TRIM54: variants seen among roughly 807,000 people sequenced by gnomAD.
TRIM54 encodes tripartite motif containing 54, also known as tripartite motif-containing protein 54.
In TRIM54, 40 loss-of-function variants were observed where a neutral mutation model predicts 42.0. The ratio of observed to expected loss-of-function variants is 0.95; its 90% CI spans 0.74 to 1.24. The LOEUF is 1.24. Ranked by LOEUF, TRIM54 falls within the 50% of genes most tolerant of loss-of-function variation. The pLI, the probability that TRIM54 is intolerant of heterozygous loss-of-function variation, is 0.00. For missense variants in TRIM54, 485 were observed against 480.3 expected, an observed-to-expected ratio of 1.01 and a Z score of -0.09; for synonymous variants, 199 against 194.9, an observed-to-expected ratio of 1.02 and a Z score of -0.17.
chr2:27,303,411 C>A (rs895207088), intron 3 of TRIM54, among the ~76,000 whole-genome samples: 1 of 151,890 alleles, frequency 6.6e-6, no homozygotes, highest in Non-Finnish European at 1.5e-5. Context: ...ATTAGCCGGG[C>A]GTGGTTGCAG....
chr2:27,299,626 T>A (rs1678971544), intron 3 of TRIM54: 3 of 1,014,394 alleles, frequency 3.0e-6, no homozygotes, highest in Admixed American at 2.1e-5. Context: ...TCCTCCCATC[T>A]TAGCCTCGCA....
chr2:27,283,443 A>G (rs1306756569), intron 1 of TRIM54, among the ~76,000 whole-genome samples: 2 of 152,086 alleles, frequency 1.3e-5, no homozygotes, highest in African/African-American at 2.4e-5. Flanking sequence ...ACTCTCCCCA[A>G]CTTGAGTTCA....
At position 27,298,995 on chromosome 2, in the gene TRIM54, C is replaced by G. The variant is rs376006289; in HGVS notation, c.342-250C>G. On this transcript the variant is annotated intron_variant, in intron 2 of 8. Transcript: ENST00000380075. Reference sequence around the variant, plus strand: ...CACCAGCAAGATCCTCGCTAACCCTCCAAGACTTCCTGTCCTGTGGGACTT... The same window carrying G: ...CACCAGCAAGATCCTCGCTAACCCTGCAAGACTTCCTGTCCTGTGGGACTT... 3.0e-4 allele frequency among the ~76,000 whole-genome samples: 46 copies of G among 152,330 alleles called. No homozygotes were observed. In the South Asian group the frequency reaches 9.5e-3, roughly 32 times the overall value.
rs1438924053 is a variant in TRIM54, at chr2:27,305,648, A to G, written c.674A>G (p.Glu225Gly). 2 of 1,613,722 alleles carry G rather than the reference A, an allele frequency of 1.2e-6. No individual in the cohort carries two copies. ...TTTGAGAGCCTGTGCGCAGTGCTGG[A>G]GGAGCGCAAGGGTGAGCTGCTGCAG... ...QRFESLCAVL[E>G]ERKGELLQAL... Residue 225 changes from glutamate to glycine, a missense_variant, in exon 5 of 9, where the codon GAG (glutamate) becomes GGG (glycine). Coordinates refer to ENST00000380075, the MANE Select transcript of TRIM54 (RefSeq NM_187841.3).
At position 27,305,704 on chromosome 2, in the gene TRIM54, C is replaced by T. The variant is rs773482542; in HGVS notation, c.730C>T (p.Gln244Ter). 6.2e-7 allele frequency: 1 copy of T among 1,612,568 alleles called. No homozygotes were observed. The highest frequency in any genetic ancestry group is 8.5e-7 in the Non-Finnish European group (1 of 1,179,472). The stretch of plus-strand genomic sequence containing the variant: ...GGCCCGGGAGCAAGAGGAGAAGCTG[C>T]AGCGCGTCCGCGGCCTCATCCGTCA... ...ALAREQEEKL[Q>*]RVRGLIRQYG... The change falls in exon 5 of 9, where the codon CAG (glutamine) becomes TAG (stop). Residue 244 changes from glutamine (Q) to a stop codon, truncating the protein, a stop_gained. Coordinates refer to ENST00000380075, the MANE Select transcript of TRIM54 (RefSeq NM_187841.3). LOFTEE classifies it high-confidence loss of function.
chr2:27,298,839 C>A, intron 2 of TRIM54, 100 bp downstream of exon 2: 3 of 1,292,194 alleles, frequency 2.3e-6, no homozygotes, highest in Non-Finnish European at 2.1e-6. Flanking sequence ...GGTCAACCTG[C>A]CTGTTCTGTC....
In TRIM54 at chr2:27,306,491, G is replaced by T. The variant is rs372614144; in HGVS notation, c.1027G>T (p.Gly343Ter). ...SGEEEEVAPD[G>*]EEGSAGPEEE... Reference sequence around the variant, plus strand: ...GGAGGAAGAGGAGGTGGCCCCAGACGGAGAGGAGGGCAGCGCGGGGCCGGA... The same window carrying T: ...GGAGGAAGAGGAGGTGGCCCCAGACTGAGAGGAGGGCAGCGCGGGGCCGGA... Residue 343 changes from glycine (G) to a stop codon, truncating the protein, a stop_gained, in exon 8 of 9, where the codon GGA becomes TGA. Coordinates refer to ENST00000380075, the MANE Select transcript of TRIM54 (RefSeq NM_187841.3). LOFTEE classifies it high-confidence loss of function. The surrounding 1 kb of genome is among the most constrained non-coding windows in gnomAD (Gnocchi z 6.1). 1.9e-6 allele frequency: 3 copies of T among 1,584,200 alleles called. No homozygotes were observed. Among genetic ancestry groups the T allele is most frequent in the South Asian group, 1.1e-5 (1 of 88,076 alleles).
intron 3 of TRIM54, among the ~76,000 whole-genome samples, chr2:27,300,152 T>TTTTA (rs974523605): frequency 6.6e-6 from 1 of 151,962 alleles, no homozygotes; most frequent in African/African-American, 2.4e-5. Context: ...AATTATTTTA[T>TTTTA]TTTATTTATT....
chr2:27,294,081 G>C (rs1012031271), intron 1 of TRIM54, among the ~76,000 whole-genome samples: 1 of 152,166 alleles, frequency 6.6e-6, no homozygotes, highest in East Asian at 1.9e-4. Context: ...GCCTCTGCCT[G>C]AGACTCAGAG....
intron 1 of TRIM54, among the ~76,000 whole-genome samples, chr2:27,294,770 G>T (rs2148195048): frequency 6.6e-6 from 1 of 151,048 alleles, no homozygotes; most frequent in Non-Finnish European, 1.5e-5. Context: ...GGCGCCTGTA[G>T]TCCCAGCTGC....
chr2:27,306,103 G>C lies in TRIM54; in HGVS notation c.866+1G>C. On this transcript the variant is annotated splice_donor_variant, in intron 6 of 8. Transcript: ENST00000380075. LOFTEE classifies it high-confidence loss of function. The surrounding 1 kb of genome is among the most constrained non-coding windows in gnomAD (Gnocchi z 6.1). ...AGCAGGCCAAGGAGCTGATCAATAA[G>C]TGAGTAGGCATAGCGGGAAGGGAAA... The C allele has an allele frequency of 6.2e-7, 1 of 1,614,032 alleles. No homozygotes were observed. The highest frequency in any genetic ancestry group is 1.1e-5 in the South Asian group (1 of 91,090).
At chr2:27,288,302 A>G (rs1678632641) in intron 1 of TRIM54, among the ~76,000 whole-genome samples, 1 of 152,046 alleles carries the variant, frequency 6.6e-6, no homozygotes, top group Admixed American at 6.6e-5. Context: ...CCAAATTAGC[A>G]CCTCTCTGGA....
chr2:27,290,199 AT>A (rs1471238172), intron 1 of TRIM54, among the ~76,000 whole-genome samples: 1 of 151,936 alleles, frequency 6.6e-6, no homozygotes, highest in South Asian at 2.1e-4. Context: ...CTTAAAAAAA[AT>A]TTTTTTAATT....
At position 27,306,679 on chromosome 2, in the gene TRIM54, A is replaced by G. The variant is rs1472841008; in HGVS notation, c.*1+137A>G. The G allele has an allele frequency of 4.2e-6, 4 of 954,548 alleles. No homozygotes were observed. The African/African-American group carries it at 5.0e-5, about 12-fold the overall frequency. 59.1% of individuals were successfully genotyped at this position (954,548 alleles called of 1,614,324 possible). On this transcript the variant is annotated intron_variant, in intron 8 of 8. Transcript: ENST00000380075. The surrounding 1 kb of genome is among the most constrained non-coding windows in gnomAD (Gnocchi z 6.1). ...CGTGGAGCCCCCACTCCTCGGTGCA[A>G]CCCAACCCCGGAGCCACAAAGGCGC...
intron 1 of TRIM54, among the ~76,000 whole-genome samples, chr2:27,290,471 TC>T (rs1678690764): frequency 6.6e-6 from 1 of 151,942 alleles, no homozygotes; most frequent in South Asian, 2.1e-4. Flanking sequence ...ATGGAGACCA[TC>T]CTGGCTAACA....
intron 1 of TRIM54, among the ~76,000 whole-genome samples, chr2:27,289,084 A>G (rs148305277): frequency 3.7e-4 from 56 of 152,358 alleles, no homozygotes; most frequent in African/African-American, 1.3e-3. Context: ...GGAAGTTGTC[A>G]TGTATCCCTT....
At chr2:27,302,834 G>C (rs369096217) in intron 3 of TRIM54, among the ~76,000 whole-genome samples, 7 of 152,246 alleles carry the variant, frequency 4.6e-5, no homozygotes, top group African/African-American at 1.7e-4. Context: ...CAAAGTCCTA[G>C]CTCTGTGCTT....
At position 27,297,980 on chromosome 2, in the gene TRIM54, C is replaced by CAAAA. The variant is rs60106105; in HGVS notation, c.169-569_169-566dup. ...TGGGCATCAGAGAAAGAACCTGTCT[C>CAAAA]AAAAAAAAAAAAAAAAAAAAAGGCC... On this transcript the variant is annotated intron_variant, in intron 1 of 8. Coordinates refer to ENST00000380075, the MANE Select transcript of TRIM54 (RefSeq NM_187841.3). 5.1e-3 allele frequency among the ~76,000 whole-genome samples: 289 copies of CAAAA among 56,512 alleles called. 1 individual carries two copies. Among genetic ancestry groups the CAAAA allele is most frequent in the Middle Eastern group, 0.01 (1 of 100 alleles). 37.1% of individuals were successfully genotyped at this position (56,512 alleles called of 152,430 possible). A position where few individuals can be genotyped will look rare whatever the true frequency, so the allele number is the denominator to read the frequency against.
chr2:27,289,838 G>A (rs1678670230), intron 1 of TRIM54, among the ~76,000 whole-genome samples: 1 of 146,368 alleles, frequency 6.8e-6, no homozygotes, highest in Non-Finnish European at 1.5e-5. Context: ...GCAACATAGT[G>A]AGACACTATC....
Sources: gnomAD v4.1 joint callset for allele counts (sites outside exome capture counted in the v4.1 genomes callset) on GRCh38, gnomAD v4.1.1 for gene constraint, Gnocchi (gnomAD v3.1) non-coding constraint, MANE v1.5 for transcripts, NCBI Gene and HGNC (gene_info 2026-07-23, HGNC 2026-07-21) for gene names.